ACTN1: variants seen among roughly 807,000 people sequenced by gnomAD.
ACTN1 encodes the protein actinin alpha 1.
Under a neutral mutation model 119.6 loss-of-function variants are expected in ACTN1, and 30 were observed. That is an observed-to-expected ratio of 0.25 (90% CI 0.19 to 0.34). The LOEUF is 0.34. Among genes scored for constraint, ACTN1 ranks in the 10% least tolerant of loss-of-function variants. The probability of loss-of-function intolerance (pLI) is 1.00; values close to 1 mark genes in which losing one functional copy is unlikely to be tolerated. For synonymous variants in ACTN1, 429 were observed against 472.6 expected, an observed-to-expected ratio of 0.91 and a Z score of 1.20; for missense variants, 764 against 1,223.4, an observed-to-expected ratio of 0.62 and a Z score of 5.60.
At chr14:68,957,891 T>G (rs1284183309) in intron 1 of ACTN1, among the ~76,000 whole-genome samples, 1 of 152,168 alleles carries the variant, frequency 6.6e-6, no homozygotes, top group Non-Finnish European at 1.5e-5. Flanking sequence ...GTTTAGGTTC[T>G]CATTTATGAT....
Position 68,882,541 on chromosome 14 carries a change from G to T in ACTN1, c.1870C>A (p.Arg624=). 6.2e-7 allele frequency: 1 copy of T among 1,614,148 alleles called. No homozygotes were observed. Residue 624 remains arginine (R), a synonymous_variant, in exon 16 of 22, where the codon CGA becomes AGA. Coordinates refer to ENST00000394419, the MANE Select transcript of ACTN1 (RefSeq NM_001130004.2). The surrounding 1 kb of genome is among the most constrained non-coding windows in gnomAD (Gnocchi z 4.5). ...CGTAGCCTCTCATTGTGCTGCTGTC[G>T]GGCATGCTCCTCCGTCAGAGCTTGG... ...RDQALTEEHA[R]QQHNERLRKQ...
chr14:68,883,669 T>G (rs2031754648), intron 14 of ACTN1, among the ~76,000 whole-genome samples: 1 of 152,068 alleles, frequency 6.6e-6, no homozygotes, highest in Non-Finnish European at 1.5e-5. Context: ...TCCCAGCTAC[T>G]AGGGAGGCTG....
intron 1 of ACTN1, among the ~76,000 whole-genome samples, chr14:68,955,209 C>T (rs1043413692): frequency 2.0e-5 from 3 of 152,200 alleles, no homozygotes; most frequent in Admixed American, 6.5e-5. Flanking sequence ...CCAAAATGAA[C>T]CCCAGGTGTG....
intron 1 of ACTN1, among the ~76,000 whole-genome samples, chr14:68,965,611 C>T (rs1298151333): frequency 6.6e-6 from 1 of 152,242 alleles, no homozygotes; most frequent in East Asian, 1.9e-4. Context: ...TTCACCAACA[C>T]CAAACAAGGG....
At chr14:68,950,238 A>T (rs2036088985) in intron 1 of ACTN1, among the ~76,000 whole-genome samples, 1 of 149,258 alleles carries the variant, frequency 6.7e-6, no homozygotes, top group African/African-American at 2.5e-5. Context: ...AGGTTGCAGT[A>T]AGCTGAGATT....
In ACTN1 at chr14:68,925,018, A is replaced by G. The variant is rs1317395293; in HGVS notation, c.220+540T>C. On this transcript the variant is annotated intron_variant, in intron 2 of 21. Coordinates refer to ENST00000394419, the MANE Select transcript of ACTN1 (RefSeq NM_001130004.2). This position sits in a 1 kb window ranked among gnomAD's most constrained non-coding sequence, Gnocchi z 4.3. ...TTAGGTCTAAGGCTCACCGGCATCA[A>G]GGTGAAGAGAGTAGCTAACATGGCC... Among the ~76,000 whole-genome samples, 1 of 152,176 alleles carries G rather than the reference A, an allele frequency of 6.6e-6. No homozygotes were observed. The highest frequency in any genetic ancestry group is 1.5e-5 in the Non-Finnish European group (1 of 68,036).
chr14:68,932,747 A>G (rs1222189244), intron 1 of ACTN1, among the ~76,000 whole-genome samples: 1 of 151,970 alleles, frequency 6.6e-6, no homozygotes, highest in Non-Finnish European at 1.5e-5. Context: ...AGTACTACTG[A>G]TATTTGGGGT....
chr14:68,935,502 C>T (rs1422719697), intron 1 of ACTN1, among the ~76,000 whole-genome samples: 1 of 150,338 alleles, frequency 6.7e-6, no homozygotes, highest in Non-Finnish European at 1.5e-5. Flanking sequence ...TCTCCTGCCT[C>T]AGCCTCCTGA....
In ACTN1 at chr14:68,882,999, C is replaced by T. The variant is rs769394983; in HGVS notation, c.1692G>A (p.Glu564=). The T allele has an allele frequency of 3.1e-6, 5 of 1,614,186 alleles. No homozygotes were observed. Among genetic ancestry groups the T allele is most frequent in the Non-Finnish European group, 4.2e-6 (5 of 1,180,042 alleles). The stretch of plus-strand genomic sequence containing the variant: ...TGTGGATGCCCAGGATGGCCAGGCG[C>T]TCCTTGTCGGCATCAGGGAGGGTGG... ...FKATLPDADK[E]RLAILGIHNE... The change falls in exon 15 of 22, where the codon GAG becomes GAA. Residue 564 remains glutamate, a synonymous_variant. Coordinates refer to ENST00000394419, the MANE Select transcript of ACTN1 (RefSeq NM_001130004.2). The surrounding 1 kb of genome is among the most constrained non-coding windows in gnomAD (Gnocchi z 4.5).
chr14:68,978,208 G>T, intron 1 of ACTN1: 1 of 456,288 alleles, frequency 2.2e-6, no homozygotes. Flanking sequence ...CTCGAACCGA[G>T]CTGCCCACCT....
chr14:68,883,535 G>T, intron 14 of ACTN1: 1 of 153,888 alleles, frequency 6.5e-6, no homozygotes. Flanking sequence ...ACTTTGGAAG[G>T]CCGAAATGGG....
At position 68,885,490 on chromosome 14, in the gene ACTN1, G is replaced by A. The variant is rs145749867; in HGVS notation, c.1320C>T (p.Phe440=). ...IKALLKKHEA[F]ESDLAAHQDR... is the part of the protein sequence containing the mutation. ...CCTGGTGGGCAGCCAGGTCACTCTC[G>A]AAGGCCTCATGCTTCTTGAGCAGGG... The change falls in exon 12 of 22, where the codon TTC becomes TTT. Residue 440 remains phenylalanine (F), a synonymous_variant. Transcript: ENST00000394419. This position sits in a 1 kb window ranked among gnomAD's most constrained non-coding sequence, Gnocchi z 5.6. 1.5e-4 allele frequency: 239 copies of A among 1,613,980 alleles called. 2 individuals carry two copies. The highest frequency in any genetic ancestry group is 1.9e-4 in the Non-Finnish European group (221 of 1,180,022).
At position 68,880,170 on chromosome 14, in the gene ACTN1, T is replaced by C; in HGVS notation, c.2134-62A>G. 2 of 1,578,062 alleles carry C rather than the reference T, an allele frequency of 1.3e-6. No individual in the cohort carries two copies. Among genetic ancestry groups the C allele is most frequent in the East Asian group, 2.2e-5 (1 of 44,490 alleles). ...CCAGGCCTGGGCTCCTGGCGGCCCCTGCCCATCCTACTCCCCAACCATCAA... is the reference window on the plus strand; with the variant it reads ...CCAGGCCTGGGCTCCTGGCGGCCCCCGCCCATCCTACTCCCCAACCATCAA... On this transcript the variant is annotated intron_variant, in intron 17 of 21. Transcript: ENST00000394419. The surrounding 1 kb of genome is among the most constrained non-coding windows in gnomAD (Gnocchi z 4.6).
chr14:68,931,324 CAGACAG>C (rs1195157781), intron 1 of ACTN1, among the ~76,000 whole-genome samples: 1 of 152,160 alleles, frequency 6.6e-6, no homozygotes, highest in Non-Finnish European at 1.5e-5. Context: ...GGCAGCCTGG[CAGACAG>C]AGGCAGAGCC....
rs138160782 is a variant in ACTN1 at position 68,878,701 on chromosome 14, T to C, written c.2362-178A>G. On this transcript the variant is annotated intron_variant, in intron 19 of 21. Transcript: ENST00000394419. This position sits in a 1 kb window ranked among gnomAD's most constrained non-coding sequence, Gnocchi z 4.4. ...AGATGCGAACACACATCGGTGGAAATGTCCAAAGACAGGAGGAAGACAGAG... is the reference window on the plus strand; with the variant it reads ...AGATGCGAACACACATCGGTGGAAACGTCCAAAGACAGGAGGAAGACAGAG... The C allele has an allele frequency of 2.0e-6, 3 of 1,537,320 alleles. No homozygotes were observed. The highest frequency in any genetic ancestry group is 2.6e-6 in the Non-Finnish European group (3 of 1,146,872).
chr14:68,932,707 G>A (rs771691567), intron 1 of ACTN1, among the ~76,000 whole-genome samples: 2 of 151,770 alleles, frequency 1.3e-5, no homozygotes, highest in Non-Finnish European at 2.9e-5. Context: ...GGTCACACAC[G>A]CCAAGGTCTA....
intron 14 of ACTN1, chr14:68,883,494 G>C (rs2140097849): frequency 6.2e-6 from 1 of 161,622 alleles, no homozygotes; most frequent in South Asian, 1.8e-4. Context: ...GTTCATGGCT[G>C]AGCACAGTGA....
intron 1 of ACTN1, among the ~76,000 whole-genome samples, chr14:68,938,912 G>GA (rs369973212): frequency 6.6e-6 from 1 of 152,280 alleles, no homozygotes; most frequent in Middle Eastern, 3.4e-3. Flanking sequence ...AGATGGGGAG[G>GA]GGGGAGTGGA....
rs1260622575 is a variant in ACTN1 at position 68,890,172 on chromosome 14, G to A, written c.1201C>T (p.Gln401Ter). ...RLDHLAEKFR[Q>*]KASIHEAWTD... ...CAGGCCTCGTGGATGGAGGCCTTCTGCCGGAACTTCTCTGCCAGGTGGTCC... is the reference window on the plus strand; with the variant it reads ...CAGGCCTCGTGGATGGAGGCCTTCTACCGGAACTTCTCTGCCAGGTGGTCC... The change falls in exon 11 of 22, where the codon CAG becomes TAG. Residue 401 changes from glutamine to a stop codon, truncating the protein, a stop_gained. Transcript: ENST00000394419. LOFTEE classifies it high-confidence loss of function. 1 of 1,614,040 alleles carries A rather than the reference G, an allele frequency of 6.2e-7. No homozygotes were observed. The highest frequency in any genetic ancestry group is 1.3e-5 in the African/African-American group (1 of 74,928).
Sources: gnomAD v4.1 joint callset for allele counts (sites outside exome capture counted in the v4.1 genomes callset) on GRCh38, gnomAD v4.1.1 for gene constraint, Gnocchi (gnomAD v3.1) non-coding constraint, MANE v1.5 for transcripts, NCBI Gene and HGNC (gene_info 2026-07-23, HGNC 2026-07-21) for gene names.